SLC17A8: variants seen among roughly 807,000 people sequenced by gnomAD.
SLC17A8 encodes vesicular glutamate transporter 3.
Under a neutral mutation model 58.0 loss-of-function variants are expected in SLC17A8, and 31 were observed. The observed-to-expected ratio is 0.53, with a 90% CI of 0.40 to 0.72. The LOEUF (loss-of-function observed/expected upper bound fraction) is 0.72. SLC17A8 is among the 30% of genes least tolerant of loss of function. SLC17A8 has a pLI of 0.00. For missense variants in SLC17A8, 655 were observed against 727.8 expected, an observed-to-expected ratio of 0.90 and a Z score of 1.15; for synonymous variants, 228 against 249.0, an observed-to-expected ratio of 0.92 and a Z score of 0.79.
intron 2 of SLC17A8, among the ~76,000 whole-genome samples, chr12:100,383,839 T>TG (rs1369167468): frequency 9.7e-4 from 93 of 95,548 alleles, no homozygotes; most frequent in African/African-American, 4.0e-3. Context: ...AGTAGCTGGG[T>TG]CCACAGGCTC....
chr12:100,367,464 G>A (rs1189863567), intron 1 of SLC17A8, among the ~76,000 whole-genome samples: 3 of 152,190 alleles, frequency 2.0e-5, no homozygotes, highest in African/African-American at 7.2e-5. Flanking sequence ...GGAAAAGAGA[G>A]GATGTAGACC....
At chr12:100,359,364 G>A (rs1312742172) in intron 1 of SLC17A8, among the ~76,000 whole-genome samples, 1 of 152,094 alleles carries the variant, frequency 6.6e-6, no homozygotes, top group Non-Finnish European at 1.5e-5. Context: ...GAGCTACATG[G>A]AGATCTTTTT....
intron 1 of SLC17A8, among the ~76,000 whole-genome samples, chr12:100,376,698 C>T (rs533303079): frequency 6.6e-6 from 1 of 152,318 alleles, no homozygotes; most frequent in East Asian, 1.9e-4. Flanking sequence ...AGGGAGAGAA[C>T]TGAATTTGCC....
At chr12:100,402,558 A>T in intron 7 of SLC17A8, 38 bp from the exon 8 acceptor site, 1 of 1,613,010 alleles carries the variant, frequency 6.2e-7, no homozygotes, top group Non-Finnish European at 8.5e-7. Flanking sequence ...AAATGTCAAT[A>T]TCTTTACTAA....
rs142710699 is a variant in SLC17A8 at position 100,363,562 on chromosome 12, C to T, written c.101+6070C>T. Reference sequence around the variant, plus strand: ...TGTATTTTTAGTAGAGATGGGGTTTCGGTATGTTGGTCAGGCTGGTTTCAA... The same window carrying T: ...TGTATTTTTAGTAGAGATGGGGTTTTGGTATGTTGGTCAGGCTGGTTTCAA... On this transcript the variant is annotated intron_variant, in intron 1 of 11. Coordinates refer to ENST00000323346, the MANE Select transcript of SLC17A8 (RefSeq NM_139319.3). Among the ~76,000 whole-genome samples, 240 of 152,134 alleles carry T rather than the reference C, an allele frequency of 1.6e-3. 2 individuals carry two copies. The highest frequency in any genetic ancestry group is 5.5e-3 in the African/African-American group (228 of 41,526).
chr12:100,415,042 C>T (rs1201177689), intron 10 of SLC17A8, among the ~76,000 whole-genome samples: 1 of 152,190 alleles, frequency 6.6e-6, no homozygotes, highest in Admixed American at 6.5e-5. Context: ...TATCCTGTTC[C>T]CAGAGATACT....
intron 1 of SLC17A8, among the ~76,000 whole-genome samples, chr12:100,378,509 C>T (rs1025197058): frequency 9.2e-5 from 14 of 151,648 alleles, no homozygotes; most frequent in African/African-American, 3.4e-4. Flanking sequence ...AGGAGGATAA[C>T]TGAAAGAGAA....
In SLC17A8 at chr12:100,418,031, T is replaced by G. The variant is rs893556107; in HGVS notation, c.1300T>G (p.Phe434Val). 1 of 1,614,112 alleles carries G rather than the reference T, an allele frequency of 6.2e-7. No individual in the cohort carries two copies. Among genetic ancestry groups the G allele is most frequent in the African/African-American group, 1.3e-5 (1 of 74,942 alleles). ...VGFSGFAISG[F>V]NVNHLDIAPR... ...TTGAGGTTTTGGCTTCACTGTAGGT[T>G]TTAATGTCAACCACCTGGACATTGC... is the stretch of plus-strand genomic sequence containing the variant. The change falls in exon 11 of 12, where the codon TTT becomes GTT. Residue 434 changes from phenylalanine to valine, a missense_variant and splice_region_variant. Coordinates refer to ENST00000323346, the MANE Select transcript of SLC17A8 (RefSeq NM_139319.3).
intron 1 of SLC17A8, among the ~76,000 whole-genome samples, chr12:100,370,661 A>G (rs1952553046): frequency 6.6e-6 from 1 of 151,624 alleles, no homozygotes; most frequent in Non-Finnish European, 1.5e-5. Context: ...ACATTATACC[A>G]GATAAACAAA....
At chr12:100,375,279 C>T (rs1226411826) in intron 1 of SLC17A8, among the ~76,000 whole-genome samples, 1 of 152,080 alleles carries the variant, frequency 6.6e-6, no homozygotes, top group East Asian at 1.9e-4. Flanking sequence ...TGAGTTACTA[C>T]ACCTGGCCAA....
At chr12:100,417,888 C>T in intron 10 of SLC17A8, 141 bp from the exon 11 acceptor site, 2 of 971,900 alleles carry the variant, frequency 2.1e-6, no homozygotes, top group Non-Finnish European at 3.3e-6. Flanking sequence ...CCTCTTGAAC[C>T]CAGTCCTCTT....
intron 1 of SLC17A8, among the ~76,000 whole-genome samples, chr12:100,366,875 C>T (rs1952524043): frequency 6.6e-6 from 1 of 152,178 alleles, no homozygotes; most frequent in Non-Finnish European, 1.5e-5. Flanking sequence ...TGGGCTGATT[C>T]CCTAACTGTA....
intron 10 of SLC17A8, among the ~76,000 whole-genome samples, chr12:100,413,991 T>C (rs2136015675): frequency 6.6e-6 from 1 of 151,922 alleles, no homozygotes; most frequent in Non-Finnish European, 1.5e-5. Context: ...AAAAAATAAA[T>C]AAATAAAATA....
chr12:100,383,284 G>A (rs1235609157), intron 2 of SLC17A8, among the ~76,000 whole-genome samples: 7 of 152,198 alleles, frequency 4.6e-5, no homozygotes, highest in Admixed American at 2.0e-4. Flanking sequence ...GCTAGTGTGC[G>A]CTCTCTAGTT....
chr12:100,405,611 G>A (rs759950886), intron 9 of SLC17A8, among the ~76,000 whole-genome samples: 1 of 152,088 alleles, frequency 6.6e-6, no homozygotes, highest in African/African-American at 2.4e-5. Flanking sequence ...AAGAGATTCC[G>A]CCATAGCACC....
intron 2 of SLC17A8, among the ~76,000 whole-genome samples, chr12:100,381,318 G>T (rs911305233): frequency 1.3e-5 from 2 of 152,140 alleles, no homozygotes; most frequent in Non-Finnish European, 2.9e-5. Flanking sequence ...AGAATGATGG[G>T]GATAGAAAGG....
intron 9 of SLC17A8, among the ~76,000 whole-genome samples, chr12:100,406,116 AC>A (rs1457913970): frequency 6.6e-6 from 1 of 151,898 alleles, no homozygotes; most frequent in African/African-American, 2.4e-5. Context: ...GACTTTGCCC[AC>A]TCCCTTTCTC....
At chr12:100,360,029 C>G (rs565396919) in intron 1 of SLC17A8, among the ~76,000 whole-genome samples, 1 of 152,158 alleles carries the variant, frequency 6.6e-6, no homozygotes, top group Non-Finnish European at 1.5e-5. Context: ...TCACAGTGTT[C>G]CTCACAGTCA....
chr12:100,412,889 T>C lies in SLC17A8; in HGVS notation c.1297+9T>C. On this transcript the variant is annotated intron_variant, in intron 10 of 11. Coordinates refer to ENST00000323346, the MANE Select transcript of SLC17A8 (RefSeq NM_139319.3). ...TGGCTTCGCTATTTCAGGTAATGTG[T>C]CCTTTGGGTTTCCAGATCTTGACTA... The C allele has an allele frequency of 6.3e-7, 1 of 1,597,254 alleles. No homozygotes were observed. The highest frequency in any genetic ancestry group is 8.6e-7 in the Non-Finnish European group (1 of 1,164,614).
Sources: gnomAD v4.1 joint callset for allele counts (sites outside exome capture counted in the v4.1 genomes callset) on GRCh38, gnomAD v4.1.1 for gene constraint, MANE v1.5 for transcripts, NCBI Gene and HGNC (gene_info 2026-07-23, HGNC 2026-07-21) for gene names.